Variants in THSD7B observed in about 807,000 individuals in gnomAD.
THSD7B encodes the protein thrombospondin type-1 domain-containing protein 7B.
Under a neutral mutation model 213.6 loss-of-function variants are expected in THSD7B, and 138 were observed. That is an observed-to-expected ratio of 0.65 (90% CI 0.56 to 0.74). The LOEUF is 0.74. Among genes scored for constraint, THSD7B ranks in the 30% least tolerant of loss-of-function variants. The pLI, the probability that THSD7B is intolerant of heterozygous loss-of-function variation, is 0.00. For missense variants in THSD7B, 1,931 were observed against 1,991.5 expected, an observed-to-expected ratio of 0.97 and a Z score of 0.58; for synonymous variants, 742 against 687.0, an observed-to-expected ratio of 1.08 and a Z score of -1.25.
intron 2 of THSD7B, among the ~76,000 whole-genome samples, chr2:136,929,550 C>G (rs1684595045): frequency 6.6e-6 from 1 of 152,126 alleles, no homozygotes; most frequent in Non-Finnish European, 1.5e-5. Context: ...TTTTAGAAGC[C>G]ACTCAGGAAA....
intron 4 of THSD7B, among the ~76,000 whole-genome samples, chr2:137,107,117 A>G (rs1688269626): frequency 6.6e-6 from 1 of 152,232 alleles, no homozygotes; most frequent in Admixed American, 6.5e-5. Flanking sequence ...CACATTCACA[A>G]TAACAAAGGC....
intron 16 of THSD7B, among the ~76,000 whole-genome samples, chr2:137,569,598 T>C (rs1306636701): frequency 6.6e-6 from 1 of 152,164 alleles, no homozygotes; most frequent in East Asian, 1.9e-4. Context: ...CCAGAGGTAC[T>C]TGGTGCCATG....
At chr2:137,197,738 A>G (rs983873562) in intron 7 of THSD7B, among the ~76,000 whole-genome samples, 3 of 152,206 alleles carry the variant, frequency 2.0e-5, no homozygotes, top group African/African-American at 7.2e-5. Context: ...CGGAAGCAGC[A>G]TCAGCATTCT....
intron 1 of THSD7B, among the ~76,000 whole-genome samples, chr2:136,878,111 C>T (rs1475541337): frequency 6.6e-6 from 1 of 152,096 alleles, no homozygotes; most frequent in Admixed American, 6.5e-5. Flanking sequence ...TGATGTTCTC[C>T]TTCCTGTGTC....
intron 1 of THSD7B, among the ~76,000 whole-genome samples, chr2:136,814,045 T>A (rs1028426014): frequency 1.3e-5 from 2 of 152,202 alleles, no homozygotes; most frequent in Non-Finnish European, 2.9e-5. Context: ...CCCTGTGTTC[T>A]GTTGCATGCA....
chr2:137,514,170 G>A (rs1346618469), intron 15 of THSD7B, among the ~76,000 whole-genome samples: 93 of 152,270 alleles, frequency 6.1e-4, no homozygotes, highest in Non-Finnish European at 1.5e-5. Context: ...GTGTCAACTT[G>A]ATTGGATTGA....
At position 136,882,142 on chromosome 2, in the gene THSD7B, A is replaced by G. The variant is rs1683635976; in HGVS notation, c.-35-2A>G. On this transcript the variant is annotated splice_acceptor_variant, in intron 1 of 27. Transcript: ENST00000409968. LOFTEE classifies it low-confidence loss of function (5UTR_SPLICE). ...TACCTGATTTTTCTTTTTCTCTTTT[A>G]GGAATAGGCAAGTCAAGAGGCTGAA... The G allele has an allele frequency of 2.8e-6, 4 of 1,451,788 alleles. No individual in the cohort carries two copies. Among genetic ancestry groups the G allele is most frequent in the Non-Finnish European group, 3.6e-6 (4 of 1,100,936 alleles). The allele number at this position is 1,451,788 out of a possible 1,614,324, so 89.9% of individuals were successfully genotyped here.
chr2:137,466,256 A>G (rs1390148511), intron 15 of THSD7B, among the ~76,000 whole-genome samples: 3 of 152,108 alleles, frequency 2.0e-5, no homozygotes, highest in Non-Finnish European at 2.9e-5. Context: ...TTGTGCTATT[A>G]TTCATTCGTT....
rs1026501651 is a variant in THSD7B at position 136,844,254 on chromosome 2, G to A, written c.-35-37890G>A. Among the ~76,000 whole-genome samples, 4 of 152,238 alleles carry A rather than the reference G, an allele frequency of 2.6e-5. 1 individual carries two copies. The highest frequency in any genetic ancestry group is 9.6e-5 in the African/African-American group (4 of 41,548). The stretch of plus-strand genomic sequence containing the variant: ...GAGAAGCCAATCAGTGGACAATGTG[G>A]TAACTATGAGGCAACAGCTGAAAGC... On this transcript the variant is annotated intron_variant, in intron 1 of 27. Coordinates refer to ENST00000409968, the MANE Select transcript of THSD7B (RefSeq NM_001316349.2).
chr2:137,550,236 A>C (rs77390261), intron 15 of THSD7B, among the ~76,000 whole-genome samples: 11,215 of 152,036 alleles, frequency 0.074, 443 homozygotes, highest in African/African-American at 0.09. Flanking sequence ...TTAAAAAAAA[A>C]AATACAGTGG....
intron 14 of THSD7B, among the ~76,000 whole-genome samples, chr2:137,436,878 A>G (rs1197322510): frequency 6.6e-6 from 1 of 152,170 alleles, no homozygotes; most frequent in Admixed American, 6.6e-5. Flanking sequence ...ACTGTTGACA[A>G]GCCCCCAGAT....
chr2:136,937,388 T>C (rs993150755), intron 2 of THSD7B, among the ~76,000 whole-genome samples: 12 of 152,068 alleles, frequency 7.9e-5, no homozygotes, highest in African/African-American at 2.9e-4. Context: ...AACCCCATCT[T>C]TTATGTAAAA....
At chr2:136,860,586 C>A (rs977877136) in intron 1 of THSD7B, among the ~76,000 whole-genome samples, 30 of 152,132 alleles carry the variant, frequency 2.0e-4, no homozygotes, top group African/African-American at 6.8e-4. Flanking sequence ...ATCCTTGATT[C>A]TTCTTTCTTA....
intron 3 of THSD7B, among the ~76,000 whole-genome samples, chr2:137,073,127 T>G (rs1163351363): frequency 1.3e-5 from 2 of 152,146 alleles, no homozygotes; most frequent in Admixed American, 1.3e-4. Context: ...ATAAAATGAG[T>G]TAGGGAGGAT....
chr2:137,027,907 A>G (rs796608466), intron 2 of THSD7B, among the ~76,000 whole-genome samples: 11 of 152,310 alleles, frequency 7.2e-5, no homozygotes, highest in African/African-American at 2.2e-4. Context: ...CAGAGAGGAA[A>G]GTCATATTAT....
chr2:137,067,902 G>A (rs1477321725), intron 3 of THSD7B, among the ~76,000 whole-genome samples: 1 of 151,994 alleles, frequency 6.6e-6, no homozygotes, highest in Non-Finnish European at 1.5e-5. Context: ...GCTACTGAAG[G>A]TATACTCACA....
At chr2:136,859,484 C>T (rs913428289) in intron 1 of THSD7B, among the ~76,000 whole-genome samples, 13 of 152,114 alleles carry the variant, frequency 8.5e-5, no homozygotes, top group Admixed American at 8.5e-4. Flanking sequence ...GCTAATAGAT[C>T]ATAACTATAG....
chr2:137,488,462 G>T (rs1366193642), intron 15 of THSD7B, among the ~76,000 whole-genome samples: 2 of 151,712 alleles, frequency 1.3e-5, no homozygotes, highest in East Asian at 3.8e-4. Flanking sequence ...ATAGAAGCAG[G>T]TTTTCTTAAT....
chr2:137,120,570 A>G (rs372627597), intron 5 of THSD7B, among the ~76,000 whole-genome samples: 7 of 152,116 alleles, frequency 4.6e-5, no homozygotes, highest in East Asian at 1.9e-4. Context: ...TATTAAGTCA[A>G]ACTCTTAGGG....
Sources: allele counts gnomAD v4.1 joint callset (sites outside exome capture counted in the v4.1 genomes callset), GRCh38; gene constraint gnomAD v4.1.1; transcripts MANE v1.5; gene names NCBI Gene and HGNC (gene_info 2026-07-23, HGNC 2026-07-21).